PPME1: variants seen among roughly 807,000 people sequenced by gnomAD.
The protein encoded by PPME1 is protein phosphatase methylesterase 1, also known as testicular secretory protein Li 39.
PPME1 carries 17 observed loss-of-function variants against 56.9 expected under a neutral mutation model. The observed-to-expected ratio is 0.30, with a 90% confidence interval of 0.20 to 0.45. The LOEUF is 0.45. Ranked by LOEUF, PPME1 falls within the 20% of genes least tolerant of loss-of-function variation. PPME1 has a pLI of 1.00. For missense variants in PPME1, 357 were observed against 483.2 expected (o/e 0.74, Z 2.45); for synonymous variants, 122 against 156.2 (o/e 0.78, Z 1.63).
chr11:74,223,344 C>G (rs1282366032), intron 4 of PPME1, among the ~76,000 whole-genome samples: 89 of 150,752 alleles, frequency 5.9e-4, no homozygotes, highest in Non-Finnish European at 1.1e-3. Context: ...GTCTATCATT[C>G]TTGGACATTT....
chr11:74,217,770 AG>A (rs1858694027), intron 3 of PPME1, among the ~76,000 whole-genome samples: 1 of 152,096 alleles, frequency 6.6e-6, no homozygotes, highest in African/African-American at 2.4e-5. Flanking sequence ...TGAGTATAGA[AG>A]GAATGTAACA....
At chr11:74,176,721 C>CTTTT (rs780832040) in intron 1 of PPME1, among the ~76,000 whole-genome samples, 23 of 102,190 alleles carry the variant, frequency 2.3e-4, no homozygotes, top group African/African-American at 4.2e-4. Flanking sequence ...GTGTAGTGTC[C>CTTTT]TTTTTTTTTT....
chr11:74,251,208 G>A (rs1420981226), intron 12 of PPME1, 190 bp downstream of exon 12: 2 of 1,422,364 alleles, frequency 1.4e-6, no homozygotes, highest in East Asian at 5.1e-5. Context: ...GTGTATATGT[G>A]CTGAGGAGCT....
At chr11:74,225,348 G>A in intron 5 of PPME1, 92 bp downstream of exon 5, 1 of 952,518 alleles carries the variant, frequency 1.0e-6, no homozygotes, top group Non-Finnish European at 1.5e-6. Context: ...TGAGATTGTT[G>A]GGGAATAATT....
chr11:74,212,864 G>A (rs879556235), intron 3 of PPME1, among the ~76,000 whole-genome samples: 10 of 152,110 alleles, frequency 6.6e-5, no homozygotes, highest in African/African-American at 9.7e-5. Context: ...AGTATTTGCC[G>A]TGGTCCTGAG....
At chr11:74,195,590 G>T (rs1857960117) in intron 1 of PPME1, among the ~76,000 whole-genome samples, 1 of 152,072 alleles carries the variant, frequency 6.6e-6, no homozygotes, top group Non-Finnish European at 1.5e-5. Context: ...GTGTTTTGAT[G>T]CCTATGTGCA....
intron 5 of PPME1, among the ~76,000 whole-genome samples, chr11:74,226,764 A>G (rs547113654): frequency 6.6e-6 from 1 of 152,328 alleles, no homozygotes; most frequent in Admixed American, 6.5e-5. Context: ...TCATCAGGAA[A>G]GAGAAACCAT....
chr11:74,216,056 G>A (rs1858633135), intron 3 of PPME1, among the ~76,000 whole-genome samples: 1 of 152,168 alleles, frequency 6.6e-6, no homozygotes, highest in Admixed American at 6.5e-5. Context: ...AATACAATAA[G>A]AGCTGGAGAC....
At chr11:74,248,999 A>C (rs1458408154) in intron 11 of PPME1, 1 of 152,256 alleles carries the variant, frequency 6.6e-6, no homozygotes, top group Admixed American at 6.5e-5. Flanking sequence ...GATATATCTC[A>C]GTACAGTTAC....
intron 1 of PPME1, among the ~76,000 whole-genome samples, chr11:74,193,423 T>C (rs1857895420): frequency 6.6e-6 from 1 of 152,244 alleles, no homozygotes; most frequent in Admixed American, 6.5e-5. Context: ...TGTTTAGACT[T>C]AGGTCCCATC....
Position 74,230,839 on chromosome 11 carries a change from A to G in PPME1, c.554-73A>G, listed in dbSNP as rs1404403073. 9.2e-7 allele frequency: 1 copy of G among 1,081,152 alleles called. No individual in the cohort carries two copies. Among genetic ancestry groups the G allele is most frequent in the Non-Finnish European group, 1.4e-6 (1 of 720,760 alleles). 67.0% of individuals were successfully genotyped at this position (1,081,152 alleles called of 1,614,324 possible). A position where few individuals can be genotyped will look rare whatever the true frequency, so the allele number is the denominator to read the frequency against. On this transcript the variant is annotated intron_variant, in intron 6 of 13. Coordinates refer to ENST00000328257, the MANE Select transcript of PPME1 (RefSeq NM_016147.3). This position sits in a 1 kb window ranked among gnomAD's most constrained non-coding sequence, Gnocchi z 4.9. ...CTGCTGTCATCAAGAGCAGATATATAGTAGTTGACTCAGTAAGTGTAAATG... is the reference window on the plus strand; with the variant it reads ...CTGCTGTCATCAAGAGCAGATATATGGTAGTTGACTCAGTAAGTGTAAATG...
chr11:74,232,912 G>A (rs956611536), intron 7 of PPME1, among the ~76,000 whole-genome samples: 1 of 130,780 alleles, frequency 7.6e-6, no homozygotes, highest in Non-Finnish European at 1.5e-5. Context: ...ATGTTGGCTC[G>A]ACTGGTCTTG....
intron 11 of PPME1, chr11:74,248,011 G>A (rs972494393): frequency 1.3e-5 from 2 of 152,548 alleles, no homozygotes; most frequent in African/African-American, 4.8e-5. Context: ...TCTGGAAAAT[G>A]AAAAAACTGA....
chr11:74,198,405 T>C (rs1858048364), intron 1 of PPME1, among the ~76,000 whole-genome samples: 1 of 152,208 alleles, frequency 6.6e-6, no homozygotes, highest in Non-Finnish European at 1.5e-5. Flanking sequence ...TGTAACCAGA[T>C]TGATCTTTCT....
chr11:74,236,178 TTCC>T (rs1212076308), intron 8 of PPME1, among the ~76,000 whole-genome samples: 1 of 152,232 alleles, frequency 6.6e-6, no homozygotes, highest in Non-Finnish European at 1.5e-5. Flanking sequence ...TTTCTTTTTT[TTCC>T]TCCTCATTTA....
At chr11:74,201,698 C>A (rs1858172638) in intron 1 of PPME1, among the ~76,000 whole-genome samples, 1 of 152,194 alleles carries the variant, frequency 6.6e-6, no homozygotes, top group Non-Finnish European at 1.5e-5. Context: ...TAAATGGAAT[C>A]ACGTCTGTGA....
intron 7 of PPME1, among the ~76,000 whole-genome samples, chr11:74,232,911 C>T (rs141302426): frequency 5.5e-5 from 7 of 128,234 alleles, no homozygotes; most frequent in Non-Finnish European, 7.8e-5. Flanking sequence ...CATGTTGGCT[C>T]GACTGGTCTT....
chr11:74,251,687 T>A lies in PPME1; in HGVS notation c.1114T>A (p.Phe372Ile), dbSNP rs747576476. 3.7e-6 allele frequency: 6 copies of A among 1,613,962 alleles called. No homozygotes were observed. In the South Asian group the frequency reaches 5.5e-5, roughly 15 times the overall value. ...TGCCACTTTCCTGATCCGGCACAGG[T>A]TTGCAGAACCCATCGGTGGATTCCA... ...AVATFLIRHRFAEPIGGFQCV... is the reference protein window; with the variant it reads ...AVATFLIRHRIAEPIGGFQCV... Residue 372 changes from phenylalanine to isoleucine, a missense_variant, in exon 13 of 14, where the codon TTT becomes ATT. This residue lies in a region of PPME1 where 182 missense variants were observed against 293.8 expected (regional missense o/e 0.62). Transcript: ENST00000328257.
At chr11:74,252,146 G>A in intron 13 of PPME1, among the ~76,000 whole-genome samples, 1 of 137,254 alleles carries the variant, frequency 7.3e-6, no homozygotes, top group East Asian at 2.1e-4. Flanking sequence ...TTGGTTCACT[G>A]CAACCTCTGC....
Sources: allele counts gnomAD v4.1 joint callset (sites outside exome capture counted in the v4.1 genomes callset), GRCh38; gene constraint gnomAD v4.1.1; regional missense constraint gnomAD v4.1.1; non-coding constraint Gnocchi (gnomAD v3.1); transcripts MANE v1.5; gene names NCBI Gene and HGNC (gene_info 2026-07-23, HGNC 2026-07-21).